INO80: variants seen among roughly 807,000 people sequenced by gnomAD.
INO80 encodes chromatin-remodeling ATPase INO80.
Under a neutral mutation model 203.4 loss-of-function variants are expected in INO80, and 20 were observed. That is an observed-to-expected ratio of 0.10 (90% CI 0.07 to 0.14). The LOEUF (loss-of-function observed/expected upper bound fraction) is 0.14. Among genes scored for constraint, INO80 ranks in the 10% least tolerant of loss-of-function variants. The probability of loss-of-function intolerance (pLI) is 1.00; values close to 1 mark genes in which losing one functional copy is unlikely to be tolerated. For missense variants in INO80, 1,419 were observed against 1,914.4 expected, an observed-to-expected ratio of 0.74 and a Z score of 4.83; for synonymous variants, 726 against 685.2, an observed-to-expected ratio of 1.06 and a Z score of -0.93.
chr15:41,007,424 C>A (rs1791330527), intron 27 of INO80, among the ~76,000 whole-genome samples: 1 of 152,050 alleles, frequency 6.6e-6, no homozygotes, highest in African/African-American at 2.4e-5. Flanking sequence ...CTCAGGTGAT[C>A]TGCCCACCTC....
intron 9 of INO80, among the ~76,000 whole-genome samples, chr15:41,075,461 C>CG (rs1023134225): frequency 2.0e-5 from 3 of 150,634 alleles, no homozygotes; most frequent in African/African-American, 2.4e-5. Flanking sequence ...TTTTTGGCGG[C>CG]GGGGGAGGCG....
chr15:41,100,187 G>T (rs1331206353), intron 1 of INO80, among the ~76,000 whole-genome samples: 1 of 151,908 alleles, frequency 6.6e-6, no homozygotes, highest in African/African-American at 2.4e-5. Flanking sequence ...CCATTCTCCT[G>T]CCTCAGCCTC....
intron 27 of INO80, among the ~76,000 whole-genome samples, chr15:41,009,747 C>T (rs2044106106): frequency 6.6e-6 from 1 of 151,690 alleles, no homozygotes; most frequent in African/African-American, 2.4e-5. Flanking sequence ...ACTACTATGC[C>T]CAGCTAATTT....
chr15:41,040,224 T>A (rs2044646182), intron 24 of INO80, among the ~76,000 whole-genome samples: 1 of 152,114 alleles, frequency 6.6e-6, no homozygotes, highest in Non-Finnish European at 1.5e-5. Flanking sequence ...AAAATTTATA[T>A]GCCAATTCTA....
intron 1 of INO80, among the ~76,000 whole-genome samples, chr15:41,108,053 T>C (rs2045906708): frequency 6.6e-6 from 1 of 150,674 alleles, no homozygotes; most frequent in African/African-American, 2.4e-5. Flanking sequence ...TGGGCCGAGA[T>C]CACACCACTG....
Position 41,092,095 on chromosome 15 carries a change from GTTC to G in INO80, c.466_468del (p.Glu156del). ...TTGTGTAGTCGAAGCATGTTGTGAA[GTTC>G]TTCTCTGCTGAGATTGAGTTCTTCT... On this transcript the variant is annotated inframe_deletion, in exon 5 of 36. Transcript: ENST00000648947. 3 of 1,612,556 alleles carry G rather than the reference GTTC, an allele frequency of 1.9e-6. No individual in the cohort carries two copies. Among genetic ancestry groups the G allele is most frequent in the South Asian group, 1.1e-5 (1 of 91,020 alleles).
chr15:41,116,141 G>A lies in INO80; in HGVS notation c.-212C>T, dbSNP rs1217195548. The A allele has an allele frequency of 1.7e-5, 7 of 402,592 alleles. No homozygotes were observed. Among genetic ancestry groups the A allele is most frequent in the Non-Finnish European group, 3.0e-5 (7 of 229,752 alleles). 24.9% of individuals were successfully genotyped at this position (402,592 alleles called of 1,614,324 possible). On this transcript the variant is annotated 5_prime_UTR_variant, in exon 1 of 36. Coordinates refer to ENST00000648947, the MANE Select transcript of INO80 (RefSeq NM_017553.3). ...GACGCTCCTAGCTCGCTCCCTCCGC[G>A]GCTCCTGGGACCCCAAGATGGCGGC...
At chr15:41,048,444 A>G (rs912658180) in intron 21 of INO80, among the ~76,000 whole-genome samples, 168 bp from the exon 22 acceptor site, 4 of 152,230 alleles carry the variant, frequency 2.6e-5, no homozygotes, top group African/African-American at 4.8e-5. Context: ...CATTTAAAAA[A>G]ATACAAAATA....
At chr15:41,069,469 C>A in intron 14 of INO80, 101 bp downstream of exon 14, 1 of 672,296 alleles carries the variant, frequency 1.5e-6, no homozygotes, top group South Asian at 2.2e-5. Context: ...CAAGTCCGGC[C>A]AAAATTTAAA....
At chr15:41,032,815 G>A (rs1020507127) in intron 24 of INO80, among the ~76,000 whole-genome samples, 1 of 152,034 alleles carries the variant, frequency 6.6e-6, no homozygotes, top group Non-Finnish European at 1.5e-5. Flanking sequence ...TGAGGAGGGC[G>A]GATCACGAGG....
intron 27 of INO80, among the ~76,000 whole-genome samples, chr15:41,015,526 A>G (rs1050873683): frequency 3.4e-4 from 52 of 152,092 alleles, no homozygotes; most frequent in Admixed American, 3.3e-3. Context: ...TTCCCTAGTA[A>G]AAGGATGTAA....
chr15:41,012,012 G>C (rs1364399285), intron 27 of INO80, among the ~76,000 whole-genome samples: 1 of 152,146 alleles, frequency 6.6e-6, no homozygotes, highest in Non-Finnish European at 1.5e-5. Flanking sequence ...ACTCTTTATT[G>C]TATAGGAAGT....
intron 14 of INO80, among the ~76,000 whole-genome samples, chr15:41,060,637 A>T (rs1320382480): frequency 3.9e-5 from 6 of 152,190 alleles, no homozygotes; most frequent in Admixed American, 2.6e-4. Flanking sequence ...AACCAGCCAC[A>T]TCCCTGGCTT....
At chr15:41,099,090 T>A (rs74700448) in intron 1 of INO80, among the ~76,000 whole-genome samples, 17,843 of 150,440 alleles carry the variant, frequency 0.12, 3,135 homozygotes, top group African/African-American at 0.38. Context: ...ACAAAAAATT[T>A]AAAAATTAGC....
At position 41,116,219 on chromosome 15, in the gene INO80, C is replaced by T; in HGVS notation, c.-290G>A. The T allele has an allele frequency of 4.9e-6, 2 of 406,582 alleles. No homozygotes were observed. The highest frequency in any genetic ancestry group is 8.6e-6 in the Non-Finnish European group (2 of 233,022). 25.2% of individuals were successfully genotyped at this position (406,582 alleles called of 1,614,324 possible). ...CCGGCGGCGGCGGCGGCCACTTTCA[C>T]TCACTGAGAGGAGCGGAGCAGGGAC... On this transcript the variant is annotated 5_prime_UTR_variant, in exon 1 of 36. The change creates a new upstream start codon in the 5' untranslated region. Coordinates refer to ENST00000648947, the MANE Select transcript of INO80 (RefSeq NM_017553.3).
At chr15:41,008,119 G>A (rs1303352086) in intron 27 of INO80, among the ~76,000 whole-genome samples, 1 of 152,172 alleles carries the variant, frequency 6.6e-6, no homozygotes, top group East Asian at 1.9e-4. Context: ...AGGCTGCAGT[G>A]AGCCAAGATC....
At chr15:41,102,665 T>A (rs2045826417) in intron 1 of INO80, among the ~76,000 whole-genome samples, 1 of 146,270 alleles carries the variant, frequency 6.8e-6, no homozygotes. Flanking sequence ...AGCAAGACTG[T>A]CTCAAAGGAA....
At position 41,079,643 on chromosome 15, in the gene INO80, AAT is replaced by A; in HGVS notation, c.1131+56_1131+57del. ...ATGTACAATTTTCAAAATGCAAACG[AAT>A]CTCTTCAAATGGCTGTAGTAATTAG... On this transcript the variant is annotated intron_variant, in intron 9 of 35. Transcript: ENST00000648947. 4 of 1,492,824 alleles carry A rather than the reference AAT, an allele frequency of 2.7e-6. No individual in the cohort carries two copies. The South Asian group carries it at 4.5e-5, about 17-fold the overall frequency. The allele number at this position is 1,492,824 out of a possible 1,614,324, so 92.5% of individuals were successfully genotyped here. A position where few individuals can be genotyped will look rare whatever the true frequency, so the allele number is the denominator to read the frequency against.
At chr15:41,054,848 G>C (rs2044954474) in intron 18 of INO80, among the ~76,000 whole-genome samples, 1 of 152,094 alleles carries the variant, frequency 6.6e-6, no homozygotes, top group Non-Finnish European at 1.5e-5. Flanking sequence ...ATGTTGGCCA[G>C]GTTGGTCTTG....
Sources: gnomAD v4.1 joint callset for allele counts (sites outside exome capture counted in the v4.1 genomes callset) on GRCh38, gnomAD v4.1.1 for gene constraint, MANE v1.5 for transcripts, NCBI Gene and HGNC (gene_info 2026-07-23, HGNC 2026-07-21) for gene names.